The following RP2 variants were observed in gnomAD, a reference collection of about 807,000 sequenced individuals.
The protein encoded by RP2 is RP2 activator of ARL3 GTPase.
A neutral mutation model predicts 20.3 loss-of-function variants in RP2; 3 were observed. The observed-to-expected ratio is 0.15, with a 90% CI of 0.07 to 0.38. The LOEUF (loss-of-function observed/expected upper bound fraction) is 0.38, where lower values mean the gene tolerates loss of function less well. Ranked by LOEUF, RP2 falls within the 10% of genes least tolerant of loss-of-function variation. The probability of loss-of-function intolerance (pLI) is 1.00; values close to 1 mark genes in which losing one functional copy is unlikely to be tolerated. For missense variants in RP2, 233 were observed against 268.5 expected (o/e 0.87, Z 0.92); for synonymous variants, 75 against 94.8 (o/e 0.79, Z 1.22).
intron 1 of RP2, among the ~76,000 whole-genome samples, chrX:46,846,127 T>C (rs1318122372): frequency 2.5e-4 from 28 of 111,739 alleles, no homozygotes; most frequent in African/African-American, 8.8e-4. Context: ...AGTTTGTTTA[T>C]CCATTCATCA....
chrX:46,837,226 G>A, intron 1 of RP2, 24 bp downstream of exon 1: 2 of 1,153,617 alleles, frequency 1.7e-6, no homozygotes, highest in Non-Finnish European at 2.3e-6. Context: ...TGTAGCCGCC[G>A]TCTCAGCCTC....
intron 1 of RP2, among the ~76,000 whole-genome samples, chrX:46,850,598 A>C (rs1167510011): frequency 9.0e-6 from 1 of 111,639 alleles, no homozygotes; most frequent in Non-Finnish European, 1.9e-5. Context: ...CTACTCCCTG[A>C]AGAATTTTAC....
At chrX:46,859,418 G>A (rs906743240) in intron 2 of RP2, among the ~76,000 whole-genome samples, 8 of 107,278 alleles carry the variant, frequency 7.5e-5, no homozygotes, top group Admixed American at 2.0e-4. Flanking sequence ...GAACCCAGGC[G>A]TTTGAGGCTG....
At chrX:46,842,726 AT>A (rs1924645505) in intron 1 of RP2, among the ~76,000 whole-genome samples, 1 of 111,764 alleles carries the variant, frequency 8.9e-6, no homozygotes, top group African/African-American at 3.3e-5. Flanking sequence ...GAGCCACAAT[AT>A]TTAGCCTTTT....
intron 4 of RP2, among the ~76,000 whole-genome samples, chrX:46,878,004 A>C (rs1925401292): frequency 9.0e-6 from 1 of 110,652 alleles, no homozygotes; most frequent in Admixed American, 9.7e-5. Flanking sequence ...CCCAGGGTTC[A>C]TTTTTACGCC....
At chrX:46,870,110 C>A (rs1650047421) in intron 3 of RP2, among the ~76,000 whole-genome samples, 1 of 110,813 alleles carries the variant, frequency 9.0e-6, no homozygotes, top group Non-Finnish European at 1.9e-5. Flanking sequence ...TGTTTGGGGG[C>A]TATTTTATTT....
At chrX:46,838,119 C>T (rs1327770786) in intron 1 of RP2, among the ~76,000 whole-genome samples, 4 of 112,404 alleles carry the variant, frequency 3.6e-5, no homozygotes, top group African/African-American at 9.7e-5. Context: ...GAACAGTTAA[C>T]TCTTTGCTTA....
At chrX:46,869,300 CT>C (rs200572647) in intron 3 of RP2, among the ~76,000 whole-genome samples, 33,253 of 97,692 alleles carry the variant, frequency 0.34, 7,193 homozygotes, top group African/African-American at 0.74. Context: ...TGTAGTTTTT[CT>C]TTTTTTTTTT....
At chrX:46,855,521 G>A (rs1445233394) in intron 2 of RP2, among the ~76,000 whole-genome samples, 3 of 110,686 alleles carry the variant, frequency 2.7e-5, no homozygotes, top group Non-Finnish European at 5.7e-5. Context: ...AGGCTGGAGT[G>A]CAGTGGCGCG....
chrX:46,871,021 CTTTTTTTTTTTTTT>C (rs58549261), intron 3 of RP2, among the ~76,000 whole-genome samples: 1 of 77,377 alleles, frequency 1.3e-5, no homozygotes, highest in Non-Finnish European at 2.4e-5. Context: ...ACGCTCATTC[CTTTTTTTTTTTTTT>C]TTTTTTTTTT....
At chrX:46,871,640 G>A (rs1556326447) in intron 3 of RP2, among the ~76,000 whole-genome samples, 1 of 111,827 alleles carries the variant, frequency 8.9e-6, no homozygotes, top group Non-Finnish European at 1.9e-5. Context: ...AATATTCTAT[G>A]TGCATCTGAG....
intron 1 of RP2, among the ~76,000 whole-genome samples, chrX:46,839,152 C>T (rs1455528554): frequency 2.7e-5 from 3 of 112,235 alleles, no homozygotes; most frequent in Non-Finnish European, 5.6e-5. Context: ...ACCACATTTC[C>T]CAACATAGCT....
intron 1 of RP2, among the ~76,000 whole-genome samples, chrX:46,842,541 G>T (rs1924640783): frequency 1.8e-5 from 2 of 111,475 alleles, no homozygotes; most frequent in Admixed American, 1.9e-4. Context: ...GTATTTTTTA[G>T]TAAGTTCACA....
At chrX:46,864,699 C>T (rs1556321827) in intron 3 of RP2, among the ~76,000 whole-genome samples, 1 of 111,909 alleles carries the variant, frequency 8.9e-6, no homozygotes, top group African/African-American at 3.3e-5. Flanking sequence ...GCATAAGCCA[C>T]CAAGCCCAGC....
chrX:46,847,767 T>TATGTGTGTGTGTATATACAC (rs781898428), intron 1 of RP2, among the ~76,000 whole-genome samples: 3 of 68,513 alleles, frequency 4.4e-5, no homozygotes, highest in East Asian at 1.4e-3. Context: ...TATACACACA[T>TATGTGTGTGTGTATATACAC]GTGTGTGTGT....
At chrX:46,859,041 A>G (rs1925018037) in intron 2 of RP2, among the ~76,000 whole-genome samples, 1 of 111,448 alleles carries the variant, frequency 9.0e-6, no homozygotes, top group Non-Finnish European at 1.9e-5. Flanking sequence ...TCATATCTGT[A>G]CAATGAGGGT....
At chrX:46,858,089 A>G (rs1203355382) in intron 2 of RP2, among the ~76,000 whole-genome samples, 1 of 112,469 alleles carries the variant, frequency 8.9e-6, no homozygotes, top group Non-Finnish European at 1.9e-5. Context: ...TTTATGTAGA[A>G]AATGTCACAA....
chrX:46,860,359 A>C (rs1925041782), intron 3 of RP2, among the ~76,000 whole-genome samples: 1 of 109,830 alleles, frequency 9.1e-6, no homozygotes, highest in South Asian at 3.9e-4. Flanking sequence ...TATGTATCTT[A>C]TTATCATTTT....
chrX:46,853,966 A>G lies in RP2; in HGVS notation c.593A>G (p.Tyr198Cys), dbSNP rs782195010. 8.3e-6 allele frequency: 10 copies of G among 1,210,286 alleles called. No individual in the cohort carries two copies. The African/African-American group carries it at 8.7e-5, about 11-fold the overall frequency. The change falls in exon 2 of 5, where the codon TAT (tyrosine) becomes TGT (cysteine). Residue 198 changes from tyrosine (Y) to cysteine (C), a missense_variant. Tyr to Cys is a radical substitution (Grantham distance 194). Around this residue, in one of 3 missense-constraint regions of RP2, gnomAD observed 118 missense variants for 123.8 expected, o/e 0.95. Transcript: ENST00000218340. ...LLPEDAVVQDYVPIPTTEELK... is the reference protein window; with the variant it reads ...LLPEDAVVQDCVPIPTTEELK... ...CCAGAAGATGCTGTGGTTCAGGACT[A>G]TGTTCCTATACCTACTACCGAAGAG...
Sources: allele counts gnomAD v4.1 joint callset (sites outside exome capture counted in the v4.1 genomes callset), GRCh38; gene constraint gnomAD v4.1.1; regional missense constraint gnomAD v4.1.1; transcripts MANE v1.5; gene names NCBI Gene and HGNC (gene_info 2026-07-23, HGNC 2026-07-21).